Variants in HPCAL1 observed in about 807,000 individuals in gnomAD.
HPCAL1 encodes hippocalcin like 1.
In HPCAL1, 8 loss-of-function variants were observed where a neutral mutation model predicts 17.1. That is an observed-to-expected ratio of 0.47 (90% CI 0.27 to 0.84). The LOEUF is 0.84. Ranked by LOEUF, HPCAL1 falls within the 40% of genes least tolerant of loss-of-function variation. The probability of loss-of-function intolerance (pLI) is 0.13; values close to 1 mark genes in which losing one functional copy is unlikely to be tolerated. For synonymous variants in HPCAL1, 112 were observed against 111.4 expected (o/e 1.01, Z -0.03); for missense variants, 165 against 271.1 (o/e 0.61, Z 2.75).
At chr2:10,347,834 C>T (rs1333928418) in intron 1 of HPCAL1, among the ~76,000 whole-genome samples, 2 of 152,152 alleles carry the variant, frequency 1.3e-5, no homozygotes, top group African/African-American at 2.4e-5. Flanking sequence ...CTCATTAATT[C>T]AGACAAGGTT....
At chr2:10,371,862 G>T (rs1289759851) in intron 1 of HPCAL1, among the ~76,000 whole-genome samples, 3 of 152,180 alleles carry the variant, frequency 2.0e-5, no homozygotes, top group Non-Finnish European at 4.4e-5. Context: ...TGTCCGGGGG[G>T]TTTTCTGCTG....
rs75638886 is a variant in HPCAL1, at chr2:10,423,088, G to A, written c.484G>A (p.Gly162Ser). ...IFRQMDTNND[G>S]KLSLEEFIRG... ...CAGGCAGATGGACACCAACAATGAC[G>A]GTAGTGCGGGGTGGGGGCGGGGCTG... Residue 162 changes from glycine to serine, a missense_variant and splice_region_variant, in exon 4 of 5, where the codon GGC (glycine) becomes AGC (serine). Coordinates refer to ENST00000307845, the MANE Select transcript of HPCAL1 (RefSeq NM_002149.4). The A allele has an allele frequency of 3.1e-6, 5 of 1,605,284 alleles. No individual in the cohort carries two copies. Among genetic ancestry groups the A allele is most frequent in the East Asian group, 2.2e-5 (1 of 44,842 alleles).
chr2:10,371,887 G>A (rs1012361638), intron 1 of HPCAL1, among the ~76,000 whole-genome samples: 2 of 152,184 alleles, frequency 1.3e-5, no homozygotes, highest in African/African-American at 4.8e-5. Context: ...CTGGCTTCAG[G>A]TCAGGGCTTG....
chr2:10,335,528 A>G (rs1320260404), intron 1 of HPCAL1, among the ~76,000 whole-genome samples: 1 of 152,190 alleles, frequency 6.6e-6, no homozygotes, highest in African/African-American at 2.4e-5. Context: ...AGAAATTGTG[A>G]GATAATGTTT....
intron 1 of HPCAL1, among the ~76,000 whole-genome samples, chr2:10,393,505 A>G (rs1307533718): frequency 1.3e-5 from 2 of 152,246 alleles, no homozygotes; most frequent in Non-Finnish European, 2.9e-5. Flanking sequence ...GCACAGGCCA[A>G]CCTGGAACCA....
chr2:10,420,216 T>TTA, intron 3 of HPCAL1, 81 bp downstream of exon 3: 1 of 1,223,800 alleles, frequency 8.2e-7, no homozygotes, highest in Admixed American at 2.9e-5. Flanking sequence ...GGGCTTTTTT[T>TTA]TTTTTTTTTT....
rs75113397 is a variant in HPCAL1, at chr2:10,367,798, C to T, written c.-110-29037C>T. On this transcript the variant is annotated intron_variant, in intron 1 of 4. Transcript: ENST00000307845. The surrounding 1 kb of genome is among the most constrained non-coding windows in gnomAD (Gnocchi z 4.4). ...ACATGAGCAGCCTCTGCTGCTGCGG[C>T]CACCCTCGCCGGCCCTGGATCCCCA... Among the ~76,000 whole-genome samples, 3,769 of 152,230 alleles carry T rather than the reference C, an allele frequency of 0.025. 54 individuals are homozygous for T. Among genetic ancestry groups the T allele is most frequent in the Non-Finnish European group, 0.038 (2,565 of 68,004 alleles).
chr2:10,336,035 A>ATCCTCTGGTGTAAATTAATTGCATGTTCG (rs1664697105), intron 1 of HPCAL1, among the ~76,000 whole-genome samples: 14 of 104,618 alleles, frequency 1.3e-4, no homozygotes, highest in African/African-American at 2.4e-4. Flanking sequence ...TTGCATGTTC[A>ATCCTCTGGTGTAAATTAATTGCATGTTCG]TATCCTCTGC....
At chr2:10,405,518 C>T (rs981197507) in intron 2 of HPCAL1, among the ~76,000 whole-genome samples, 4 of 152,242 alleles carry the variant, frequency 2.6e-5, no homozygotes, top group Admixed American at 6.5e-5. Flanking sequence ...GGGTGAAACA[C>T]GGTTCCCTGG....
intron 1 of HPCAL1, among the ~76,000 whole-genome samples, chr2:10,319,681 G>A (rs1482203850): frequency 6.6e-6 from 1 of 151,976 alleles, no homozygotes; most frequent in Non-Finnish European, 1.5e-5. Flanking sequence ...CCTGGGTAGG[G>A]AAAGGTGCTC....
intron 1 of HPCAL1, among the ~76,000 whole-genome samples, chr2:10,392,865 G>A (rs1389242267): frequency 1.3e-5 from 2 of 152,186 alleles, no homozygotes; most frequent in East Asian, 1.9e-4. Flanking sequence ...AGGTGGGGTC[G>A]GAAGGGCCCC....
In HPCAL1 at chr2:10,344,948, CCTCT is replaced by C. The variant is rs770506359; in HGVS notation, c.-111+41776_-111+41779del. ...CTCTGTGCCTTTCAGTCTCTTTCTG[CCTCT>C]CTCTATGTGTCCATCTCTCTCTCTT... is the stretch of plus-strand genomic sequence containing the variant. On this transcript the variant is annotated intron_variant, in intron 1 of 4. Coordinates refer to ENST00000307845, the MANE Select transcript of HPCAL1 (RefSeq NM_002149.4). This position sits in a 1 kb window ranked among gnomAD's most constrained non-coding sequence, Gnocchi z 4.9. 7.5e-5 allele frequency among the ~76,000 whole-genome samples: 10 copies of C among 132,598 alleles called. No individual in the cohort carries two copies. The highest frequency in any genetic ancestry group is 2.3e-4 in the Admixed American group (3 of 13,154). The allele number at this position is 132,598 out of a possible 152,430, so 87.0% of individuals were successfully genotyped here. A position where few individuals can be genotyped will look rare whatever the true frequency, so the allele number is the denominator to read the frequency against.
intron 1 of HPCAL1, among the ~76,000 whole-genome samples, chr2:10,325,839 A>G (rs938324265): frequency 2.6e-5 from 4 of 152,156 alleles, no homozygotes; most frequent in African/African-American, 4.8e-5. Context: ...GCGGCCAATT[A>G]GCACCTCTGT....
chr2:10,409,777 C>A (rs79588549), intron 2 of HPCAL1, among the ~76,000 whole-genome samples: 2 of 62,506 alleles, frequency 3.2e-5, no homozygotes, highest in Non-Finnish European at 5.6e-5. Flanking sequence ...GAGCCTCAGT[C>A]TTTTTTTTTT....
chr2:10,401,100 A>T (rs1375044373), intron 2 of HPCAL1, among the ~76,000 whole-genome samples: 1 of 152,154 alleles, frequency 6.6e-6, no homozygotes, highest in African/African-American at 2.4e-5. Context: ...GAGGCTGCAC[A>T]AGGACACTCC....
intron 2 of HPCAL1, among the ~76,000 whole-genome samples, chr2:10,413,713 C>T (rs746837037): frequency 8.5e-5 from 13 of 152,264 alleles, no homozygotes; most frequent in Non-Finnish European, 1.2e-4. Flanking sequence ...TCTGTGATTT[C>T]AGGCAGATAA....
chr2:10,380,023 T>C (rs1572762250), intron 1 of HPCAL1, among the ~76,000 whole-genome samples: 1 of 152,246 alleles, frequency 6.6e-6, no homozygotes, highest in South Asian at 2.1e-4. Context: ...TGAGTCCATC[T>C]GGAGGTCCAG....
At chr2:10,311,984 C>A (rs1210882633) in intron 1 of HPCAL1, among the ~76,000 whole-genome samples, 3 of 149,306 alleles carry the variant, frequency 2.0e-5, no homozygotes, top group African/African-American at 4.9e-5. Context: ...ACCATCACCA[C>A]CACCATCATC....
Position 10,331,392 on chromosome 2 carries a change from C to T in HPCAL1, c.-111+28215C>T, listed in dbSNP as rs1664367673. Among the ~76,000 whole-genome samples, 1 of 152,172 alleles carries T rather than the reference C, an allele frequency of 6.6e-6. No homozygotes were observed. The highest frequency in any genetic ancestry group is 2.4e-5 in the African/African-American group (1 of 41,440). On this transcript the variant is annotated intron_variant, in intron 1 of 4. Coordinates refer to ENST00000307845, the MANE Select transcript of HPCAL1 (RefSeq NM_002149.4). This position sits in a 1 kb window ranked among gnomAD's most constrained non-coding sequence, Gnocchi z 5.0. The stretch of plus-strand genomic sequence containing the variant: ...TTTCCTCCTGTCTCCCCGGGGAGCT[C>T]GGAGTTCTGCAGGCACGGGGCTGGC...
Sources: allele counts gnomAD v4.1 joint callset (sites outside exome capture counted in the v4.1 genomes callset), GRCh38; gene constraint gnomAD v4.1.1; non-coding constraint Gnocchi (gnomAD v3.1); transcripts MANE v1.5; gene names NCBI Gene and HGNC (gene_info 2026-07-23, HGNC 2026-07-21).